Variants in DCAF6 observed in about 807,000 individuals in gnomAD.
DCAF6 encodes the protein DDB1- and CUL4-associated factor 6.
Under a neutral mutation model 125.1 loss-of-function variants are expected in DCAF6, and 54 were observed. The ratio of observed to expected loss-of-function variants is 0.43; its 90% confidence interval spans 0.35 to 0.54. The LOEUF is 0.54. Among genes scored for constraint, DCAF6 ranks in the 20% least tolerant of loss-of-function variants. DCAF6 has a pLI of 0.01. For missense variants in DCAF6, 934 were observed against 1,161.7 expected, an observed-to-expected ratio of 0.80 and a Z score of 2.85; for synonymous variants, 371 against 390.4, an observed-to-expected ratio of 0.95 and a Z score of 0.58.
chr1:167,959,522 A>G (rs1675264985), intron 2 of DCAF6, among the ~76,000 whole-genome samples: 2 of 152,214 alleles, frequency 1.3e-5, no homozygotes, highest in African/African-American at 2.4e-5. Flanking sequence ...CCCACCAGCA[A>G]TGAATATAAG....
chr1:167,980,684 T>G (rs970086678), intron 4 of DCAF6, among the ~76,000 whole-genome samples: 2 of 152,148 alleles, frequency 1.3e-5, no homozygotes, highest in Non-Finnish European at 2.9e-5. Context: ...TTTCTTTATA[T>G]ATTCCGAATA....
intron 17 of DCAF6, among the ~76,000 whole-genome samples, chr1:168,061,966 A>G (rs554649449): frequency 4.7e-4 from 71 of 152,288 alleles, no homozygotes; most frequent in African/African-American, 1.6e-3. Flanking sequence ...AAATGTGGAT[A>G]GTAGCCTAAT....
chr1:167,990,985 T>C lies in DCAF6; in HGVS notation c.553-219T>C, dbSNP rs115113304. Among the ~76,000 whole-genome samples, 419 of 152,292 alleles carry C rather than the reference T, an allele frequency of 2.8e-3. 4 individuals are homozygous for C. Among genetic ancestry groups the C allele is most frequent in the African/African-American group, 9.8e-3 (409 of 41,560 alleles). ...AGAAATATTGATTGAGTATATTTAT[T>C]TTGATTTCACATAGGCTGAATGTAT... is the stretch of plus-strand genomic sequence containing the variant. On this transcript the variant is annotated intron_variant, in intron 5 of 21. Coordinates refer to ENST00000367840, the MANE Select transcript of DCAF6 (RefSeq NM_001198956.2).
At position 167,945,955 on chromosome 1, in the gene DCAF6, GTTTTT is replaced by G. The variant is rs1238443018; in HGVS notation, c.98-5830_98-5826del. Among the ~76,000 whole-genome samples the G allele has an allele frequency of 2.4e-5, 3 of 123,946 alleles. No individual in the cohort carries two copies. The South Asian group carries it at 7.5e-4, about 31-fold the overall frequency. 81.3% of individuals were successfully genotyped at this position (123,946 alleles called of 152,430 possible). ...CTGAATTCATTTACCAAATCTAAGG[GTTTTT>G]TTTTTTTTTTTTTTGAGACAGAATT... On this transcript the variant is annotated intron_variant, in intron 1 of 21. Transcript: ENST00000367840.
chr1:167,963,526 C>T (rs1192600340), intron 2 of DCAF6, among the ~76,000 whole-genome samples: 6 of 151,206 alleles, frequency 4.0e-5, no homozygotes, highest in African/African-American at 9.7e-5. Flanking sequence ...CTGCTACCTC[C>T]GCCTCCCAGG....
chr1:167,909,755 G>T, the DCAF6 span, among the ~76,000 whole-genome samples: 2 of 152,070 alleles, frequency 1.3e-5, no homozygotes, highest in Non-Finnish European at 2.9e-5. Flanking sequence ...CAGTTCAGTT[G>T]CTACATATCT....
At chr1:168,017,928 T>A (rs1292793472) in intron 11 of DCAF6, among the ~76,000 whole-genome samples, 1 of 152,196 alleles carries the variant, frequency 6.6e-6, no homozygotes, top group Non-Finnish European at 1.5e-5. Context: ...TCTGTTGTCT[T>A]CTCACCTATT....
chr1:168,049,398 G>A (rs565154863), intron 16 of DCAF6, among the ~76,000 whole-genome samples: 20 of 148,196 alleles, frequency 1.3e-4, no homozygotes, highest in Non-Finnish European at 2.4e-4. Flanking sequence ...GCATGTTGCT[G>A]CACTCTGCTA....
At chr1:167,977,424 TC>T (rs1678420915) in intron 4 of DCAF6, among the ~76,000 whole-genome samples, 1 of 152,090 alleles carries the variant, frequency 6.6e-6, no homozygotes. Flanking sequence ...TATTCTGACT[TC>T]CATTGTTGAA....
At chr1:167,975,884 A>AT (rs1307575439) in intron 4 of DCAF6, among the ~76,000 whole-genome samples, 1 of 151,982 alleles carries the variant, frequency 6.6e-6, no homozygotes, top group African/African-American at 2.4e-5. Context: ...CTTGCATGTC[A>AT]TTTTTTTGTA....
chr1:167,899,440 C>G, the DCAF6 span: 3 of 1,614,238 alleles, frequency 1.9e-6, no homozygotes, highest in South Asian at 3.3e-5. Context: ...GCTCTCTGAT[C>G]TGGAACACTC....
At chr1:168,038,281 C>A in intron 12 of DCAF6, 90 bp from the exon 13 acceptor site, 2 of 916,958 alleles carry the variant, frequency 2.2e-6, no homozygotes, top group African/African-American at 1.7e-5. Context: ...ATGACAAGGA[C>A]AACCTAATAT....
At chr1:168,061,449 T>C (rs1691585495) in intron 17 of DCAF6, among the ~76,000 whole-genome samples, 1 of 152,160 alleles carries the variant, frequency 6.6e-6, no homozygotes, top group Admixed American at 6.5e-5. Flanking sequence ...GCATATATAA[T>C]TTTATTCTAT....
rs560391159 is a variant in DCAF6 at position 168,029,762 on chromosome 1, C to T, written c.1609+6715C>T. On this transcript the variant is annotated intron_variant, in intron 12 of 21. Transcript: ENST00000367840. ...TTGGGAGGCTGAGGTGGGCGAATCA[C>T]GAGGTCAGGAGATCGAGGCCATCCT... 4.0e-3 allele frequency among the ~76,000 whole-genome samples: 616 copies of T among 152,154 alleles called. 13 individuals are homozygous for T. Among genetic ancestry groups the T allele is most frequent in the Non-Finnish European group, 7.1e-4 (48 of 67,988 alleles).
At chr1:167,998,962 GA>G (rs1265864928) in intron 7 of DCAF6, among the ~76,000 whole-genome samples, 2 of 152,056 alleles carry the variant, frequency 1.3e-5, no homozygotes, top group Non-Finnish European at 2.9e-5. Flanking sequence ...AAGGCATCTA[GA>G]ATGGTCAATC....
At chr1:167,937,076 G>C in intron 1 of DCAF6, 68 bp downstream of exon 1, 2 of 1,381,080 alleles carry the variant, frequency 1.4e-6, no homozygotes, top group Non-Finnish European at 2.0e-6. Context: ...GCACGCTGCC[G>C]GGTCTGTTGG....
At chr1:167,867,286 G>A in the DCAF6 span, among the ~76,000 whole-genome samples, 1 of 152,136 alleles carries the variant, frequency 6.6e-6, no homozygotes, top group African/African-American at 2.4e-5. Flanking sequence ...AAAAAGCCCT[G>A]CTCCAGTCAC....
intron 3 of DCAF6, among the ~76,000 whole-genome samples, chr1:167,970,138 G>C (rs1174730951): frequency 6.6e-6 from 1 of 152,090 alleles, no homozygotes; most frequent in South Asian, 2.1e-4. Flanking sequence ...GCTTTTTGAC[G>C]ATCACTATTC....
At chr1:167,904,094 T>TC in the DCAF6 span, 2 of 701,644 alleles carry the variant, frequency 2.9e-6, no homozygotes, top group Non-Finnish European at 4.8e-6. Flanking sequence ...TTTTTTTTTT[T>TC]TTTTTTTTTT....
Sources: allele counts gnomAD v4.1 joint callset (sites outside exome capture counted in the v4.1 genomes callset), GRCh38; gene constraint gnomAD v4.1.1; transcripts MANE v1.5; gene names NCBI Gene and HGNC (gene_info 2026-07-23, HGNC 2026-07-21).